Variants in TNNI3K observed in about 807,000 individuals in gnomAD.
TNNI3K encodes the protein TNNI3 interacting kinase, also known as serine/threonine-protein kinase TNNI3K.
TNNI3K carries 140 observed loss-of-function variants against 114.5 expected under a neutral mutation model. The observed-to-expected ratio is 1.22, with a 90% CI of 1.07 to 1.41. TNNI3K has a LOEUF of 1.41. TNNI3K is among the 40% of genes most tolerant of loss of function. The probability of loss-of-function intolerance (pLI) is 0.00; values close to 1 mark genes in which losing one functional copy is unlikely to be tolerated. For missense variants in TNNI3K, 1,125 were observed against 1,007.6 expected, an observed-to-expected ratio of 1.12 and a Z score of -1.58; for synonymous variants, 347 against 347.5, an observed-to-expected ratio of 1.00 and a Z score of 0.02.
chr1:74,424,355 G>A (rs1665529690), intron 17 of TNNI3K, among the ~76,000 whole-genome samples: 1 of 152,048 alleles, frequency 6.6e-6, no homozygotes, highest in African/African-American at 2.4e-5. Flanking sequence ...AGACTGTAGT[G>A]GATTGAAGAG....
intron 23 of TNNI3K, among the ~76,000 whole-genome samples, chr1:74,526,814 A>C (rs999835492): frequency 1.3e-5 from 2 of 151,870 alleles, no homozygotes; most frequent in African/African-American, 4.9e-5. Flanking sequence ...CTTATCTGAC[A>C]CTCTAAAGAA....
intron 17 of TNNI3K, chr1:74,418,174 C>T (rs771863147): frequency 9.7e-5 from 44 of 454,566 alleles, no homozygotes; most frequent in Non-Finnish European, 1.8e-4. Flanking sequence ...ATAGGGCTTC[C>T]TGAACTATGT....
chr1:74,498,338 G>A (rs1239471117), intron 23 of TNNI3K, among the ~76,000 whole-genome samples: 1 of 151,976 alleles, frequency 6.6e-6, no homozygotes, highest in African/African-American at 2.4e-5. Context: ...GTATTTTCTG[G>A]GGGCTACCCC....
At chr1:74,483,969 G>C (rs1422091539) in intron 21 of TNNI3K, among the ~76,000 whole-genome samples, 2 of 152,036 alleles carry the variant, frequency 1.3e-5, no homozygotes, top group Admixed American at 6.6e-5. Context: ...TGTTTTTACT[G>C]ACTATATTAT....
rs1384875119 is a variant in TNNI3K at position 74,271,679 on chromosome 1, C to T, written c.415C>T (p.His139Tyr). 6.2e-7 allele frequency: 1 copy of T among 1,608,390 alleles called. No homozygotes were observed. Among genetic ancestry groups the T allele is most frequent in the Non-Finnish European group, 8.5e-7 (1 of 1,176,824 alleles). Reference sequence around the variant, plus strand: ...TGGATACGGTGGCCTCACTGCCCTCCATATTGCTACAATAGCTGGCCACCT... The same window carrying T: ...TGGATACGGTGGCCTCACTGCCCTCTATATTGCTACAATAGCTGGCCACCT... ...QVGYGGLTALHIATIAGHLEA... is the reference protein window; with the variant it reads ...QVGYGGLTALYIATIAGHLEA... Residue 139 changes from histidine to tyrosine, a missense_variant, in exon 5 of 25, where the codon CAT (histidine) becomes TAT (tyrosine). Coordinates refer to ENST00000326637, the MANE Select transcript of TNNI3K (RefSeq NM_015978.3).
chr1:74,239,892 T>A, intron 2 of TNNI3K: 1 of 464,288 alleles, frequency 2.2e-6, no homozygotes, highest in Non-Finnish European at 4.5e-6. Context: ...GAAATGGAAA[T>A]GGAATGTTCT....
chr1:74,355,497 G>A (rs1041782050), intron 11 of TNNI3K, among the ~76,000 whole-genome samples: 3 of 152,056 alleles, frequency 2.0e-5, no homozygotes, highest in Non-Finnish European at 2.9e-5. Context: ...TCAGCTACTC[G>A]GGAGGCTGAG....
intron 17 of TNNI3K, among the ~76,000 whole-genome samples, chr1:74,403,681 G>T (rs947576000): frequency 6.6e-6 from 1 of 152,018 alleles, no homozygotes; most frequent in Non-Finnish European, 1.5e-5. Context: ...ATTTGTATTT[G>T]GGGACACACC....
At chr1:74,288,502 T>A (rs1374362566) in intron 5 of TNNI3K, among the ~76,000 whole-genome samples, 1 of 151,968 alleles carries the variant, frequency 6.6e-6, no homozygotes. Flanking sequence ...TTATGCCAAG[T>A]GAAATAAGCT....
intron 21 of TNNI3K, among the ~76,000 whole-genome samples, chr1:74,478,950 A>G (rs1668341797): frequency 6.6e-6 from 1 of 152,206 alleles, no homozygotes; most frequent in East Asian, 1.9e-4. Flanking sequence ...ATTTCCTTCC[A>G]AGTGAGTTGG....
At chr1:74,471,171 G>A (rs1667914905) in intron 21 of TNNI3K, 1 of 400,564 alleles carries the variant, frequency 2.5e-6, no homozygotes, top group African/African-American at 2.1e-5. Flanking sequence ...AGCTCTGGTT[G>A]ACTACACGCA....
At chr1:74,509,926 G>A (rs937352544) in intron 23 of TNNI3K, among the ~76,000 whole-genome samples, 1 of 151,172 alleles carries the variant, frequency 6.6e-6, no homozygotes, top group African/African-American at 2.4e-5. Flanking sequence ...GCTAATTTTT[G>A]TATTTTTTGT....
intron 5 of TNNI3K, among the ~76,000 whole-genome samples, chr1:74,329,776 T>C (rs1397031848): frequency 6.6e-6 from 1 of 152,060 alleles, no homozygotes; most frequent in African/African-American, 2.4e-5. Flanking sequence ...GGTTCTCCAT[T>C]TTTTTATCTT....
intron 4 of TNNI3K, among the ~76,000 whole-genome samples, chr1:74,264,080 A>G (rs1655827585): frequency 6.6e-6 from 1 of 151,908 alleles, no homozygotes; most frequent in Non-Finnish European, 1.5e-5. Flanking sequence ...AAATAGAAGA[A>G]GGAGGGATGG....
At position 74,327,522 on chromosome 1, in the gene TNNI3K, G is replaced by A. The variant is rs1333030; in HGVS notation, c.445-3928G>A. On this transcript the variant is annotated intron_variant, in intron 5 of 24. Coordinates refer to ENST00000326637, the MANE Select transcript of TNNI3K (RefSeq NM_015978.3). Reference sequence around the variant, plus strand: ...AGTAGCATTTAATATATATATCTCAGTATTTTATATATTGAGTATATATAA... The same window carrying A: ...AGTAGCATTTAATATATATATCTCAATATTTTATATATTGAGTATATATAA... 1.5e-3 allele frequency among the ~76,000 whole-genome samples: 216 copies of A among 144,962 alleles called. 2 individuals are homozygous for A. Among genetic ancestry groups the A allele is most frequent in the African/African-American group, 5.1e-3 (204 of 39,930 alleles).
At chr1:74,300,986 A>G (rs1658291925) in intron 5 of TNNI3K, among the ~76,000 whole-genome samples, 1 of 152,192 alleles carries the variant, frequency 6.6e-6, no homozygotes, top group South Asian at 2.1e-4. Flanking sequence ...TCCTTAATTA[A>G]GCATAAATAT....
At chr1:74,373,748 G>A (rs903057483) in intron 17 of TNNI3K, 9 of 151,772 alleles carry the variant, frequency 5.9e-5, no homozygotes, top group East Asian at 1.9e-4. Flanking sequence ...TTGAGCCCAC[G>A]GGATGGGGCA....
chr1:74,315,886 C>T (rs1335311229), intron 5 of TNNI3K, among the ~76,000 whole-genome samples: 2 of 152,010 alleles, frequency 1.3e-5, no homozygotes, highest in African/African-American at 4.8e-5. Context: ...AGGGAAACAG[C>T]AAATCAAGTT....
intron 19 of TNNI3K, among the ~76,000 whole-genome samples, chr1:74,438,216 A>G (rs544501198): frequency 2.0e-5 from 3 of 152,014 alleles, no homozygotes; most frequent in South Asian, 2.1e-4. Flanking sequence ...CATACTGTGT[A>G]CCTGCTCCCA....
Sources: gnomAD v4.1 joint callset for allele counts (sites outside exome capture counted in the v4.1 genomes callset) on GRCh38, gnomAD v4.1.1 for gene constraint, MANE v1.5 for transcripts, NCBI Gene and HGNC (gene_info 2026-07-23, HGNC 2026-07-21) for gene names.